The following CMYA5 variants were observed in gnomAD, a reference collection of about 807,000 sequenced individuals.
The protein encoded by CMYA5 is cardiomyopathy associated 5, also known as cardiomyopathy-associated protein 5.
In CMYA5, 246 loss-of-function variants were observed where a neutral mutation model predicts 318.9. The ratio of observed to expected loss-of-function variants is 0.77; its 90% CI spans 0.70 to 0.86. The LOEUF (loss-of-function observed/expected upper bound fraction) is 0.86. Ranked by LOEUF, CMYA5 falls within the 40% of genes least tolerant of loss-of-function variation. The pLI, the probability that CMYA5 is intolerant of heterozygous loss-of-function variation, is 0.00. For missense variants in CMYA5, 4,589 were observed against 4,678.2 expected (o/e 0.98, Z 0.56); for synonymous variants, 1,641 against 1,729.5 (o/e 0.95, Z 1.27).
intron 1 of CMYA5, among the ~76,000 whole-genome samples, chr5:79,705,505 A>G (rs1031076333): frequency 1.3e-5 from 2 of 151,910 alleles, no homozygotes; most frequent in African/African-American, 4.8e-5. Flanking sequence ...GTCCTTAATC[A>G]CCACAACATG....
rs1580787107 is a variant in CMYA5, at chr5:79,752,662, C to T, written c.10992-14C>T. The T allele has an allele frequency of 6.4e-7, 1 of 1,569,610 alleles. No homozygotes were observed. The highest frequency in any genetic ancestry group is 8.8e-7 in the Non-Finnish European group (1 of 1,142,680). The stretch of plus-strand genomic sequence containing the variant: ...ATAATTTTTTAACTTATGTAGAGCT[C>T]TATTCCCCGATAGGTTGCTTTCTGC... On this transcript the variant is annotated splice_polypyrimidine_tract_variant and intron_variant, in intron 5 of 12. Transcript: ENST00000446378.
chr5:79,754,702 A>G (rs1307169373), intron 6 of CMYA5, among the ~76,000 whole-genome samples: 1 of 151,962 alleles, frequency 6.6e-6, no homozygotes, highest in East Asian at 1.9e-4. Context: ...CATCTTGCCC[A>G]TTTTTAATTG....
chr5:79,747,164 G>T (rs1340083743), intron 5 of CMYA5, 51 bp downstream of exon 5: 1 of 1,497,080 alleles, frequency 6.7e-7, no homozygotes, highest in East Asian at 2.6e-5. Flanking sequence ...CTGGATGCTT[G>T]CTTTTTAATA....
chr5:79,737,973 C>T lies in CMYA5; in HGVS notation c.9208C>T (p.Gln3070Ter), dbSNP rs1161512091. 3 of 1,613,236 alleles carry T rather than the reference C, an allele frequency of 1.9e-6. No homozygotes were observed. Among genetic ancestry groups the T allele is most frequent in the Admixed American group, 3.3e-5 (2 of 59,894 alleles). Residue 3070 changes from glutamine to a stop codon, truncating the protein, a stop_gained, in exon 2 of 13, where the codon CAG becomes TAG. Coordinates refer to ENST00000446378, the MANE Select transcript of CMYA5 (RefSeq NM_153610.5). LOFTEE classifies it high-confidence loss of function. ...DYNISPDPEK[Q>*]KAPQKLNVEE... is the part of the protein sequence containing the mutation. The stretch of plus-strand genomic sequence containing the variant: ...TAACATCTCCCCAGACCCAGAAAAA[C>T]AGAAAGCTCCACAGAAATTAAATGT...
In CMYA5 at chr5:79,737,730, A is replaced by C. The variant is rs755693784; in HGVS notation, c.8965A>C (p.Ile2989Leu). The change falls in exon 2 of 13, where the codon ATA (isoleucine) becomes CTA (leucine). Residue 2989 changes from isoleucine to leucine, a missense_variant. Ile to Leu is a conservative substitution (Grantham distance 5). Coordinates refer to ENST00000446378, the MANE Select transcript of CMYA5 (RefSeq NM_153610.5). ...YLEEKASFKTIPLPDDSETVA... is the reference protein window; with the variant it reads ...YLEEKASFKTLPLPDDSETVA... ...GGAAGAGAAAGCCTCATTTAAAACC[A>C]TACCACTCCCTGATGATAGTGAAAC... 6.8e-6 allele frequency: 11 copies of C among 1,612,082 alleles called. No individual in the cohort carries two copies. Among genetic ancestry groups the C allele is most frequent in the Non-Finnish European group, 9.3e-6 (11 of 1,179,484 alleles).
chr5:79,690,335 G>A (rs1300756035), intron 1 of CMYA5, among the ~76,000 whole-genome samples: 6 of 152,168 alleles, frequency 3.9e-5, no homozygotes, highest in Non-Finnish European at 5.9e-5. Context: ...CTGCATAACT[G>A]CCGAAATGTG....
In CMYA5 at chr5:79,717,884, ATTTTTTTT is replaced by A. The variant is rs1282948127; in HGVS notation, c.150-11016_150-11009del. 1.3e-4 allele frequency among the ~76,000 whole-genome samples: 12 copies of A among 91,774 alleles called. 4 individuals carry two copies. The highest frequency in any genetic ancestry group is 3.2e-4 in the African/African-American group (5 of 15,696). The allele number at this position is 91,774 out of a possible 152,430, so 60.2% of individuals were successfully genotyped here. ...ATAAAAGTTCCTTTTAACCTAAGCTATTTTTTTTTTTTTTTTTTTTTTGAGACGGAGTC... is the reference window on the plus strand; with the variant it reads ...ATAAAAGTTCCTTTTAACCTAAGCTATTTTTTTTTTTTTTGAGACGGAGTC... On this transcript the variant is annotated intron_variant, in intron 1 of 12. Coordinates refer to ENST00000446378, the MANE Select transcript of CMYA5 (RefSeq NM_153610.5).
intron 1 of CMYA5, among the ~76,000 whole-genome samples, chr5:79,722,700 C>G (rs1380886486): frequency 2.2e-5 from 3 of 137,860 alleles, no homozygotes; most frequent in Non-Finnish European, 4.7e-5. Flanking sequence ...AAAAAAAAAT[C>G]TATCTGAAAA....
intron 11 of CMYA5, among the ~76,000 whole-genome samples, 182 bp from the exon 12 acceptor site, chr5:79,793,255 A>T (rs1829209635): frequency 6.6e-6 from 1 of 152,164 alleles, no homozygotes. Flanking sequence ...GAGAGTTTGG[A>T]GAGTTCTGTG....
intron 1 of CMYA5, among the ~76,000 whole-genome samples, chr5:79,713,850 G>C (rs1827461028): frequency 6.6e-6 from 1 of 152,182 alleles, no homozygotes; most frequent in Non-Finnish European, 1.5e-5. Context: ...GGGTAGGAAA[G>C]AAGATACTCA....
chr5:79,784,854 G>A (rs1262488778), intron 9 of CMYA5, among the ~76,000 whole-genome samples: 3 of 151,346 alleles, frequency 2.0e-5, no homozygotes, highest in Admixed American at 2.0e-4. Context: ...TACCTCAGAT[G>A]GAAATGCAGA....
At chr5:79,697,559 T>A (rs1366385932) in intron 1 of CMYA5, among the ~76,000 whole-genome samples, 1 of 152,232 alleles carries the variant, frequency 6.6e-6, no homozygotes, top group Non-Finnish European at 1.5e-5. Context: ...TATTTTGAGT[T>A]ATTTTTACAA....
rs368309271 is a variant in CMYA5 at position 79,747,039 on chromosome 5, T to C, written c.10969-52T>C. The C allele has an allele frequency of 2.8e-6, 3 of 1,079,188 alleles. No homozygotes were observed. In the South Asian group the frequency reaches 4.2e-5, roughly 15 times the overall value. 66.9% of individuals were successfully genotyped at this position (1,079,188 alleles called of 1,614,324 possible). ...GTTAATTAGCTTCTCTCTCTCTTTC[T>C]CTCTCTCTTTTTCTCTCTTCTCCTC... is the stretch of plus-strand genomic sequence containing the variant. On this transcript the variant is annotated intron_variant, in intron 4 of 12. Coordinates refer to ENST00000446378, the MANE Select transcript of CMYA5 (RefSeq NM_153610.5).
intron 6 of CMYA5, among the ~76,000 whole-genome samples, chr5:79,754,530 G>C (rs1354576303): frequency 6.6e-6 from 1 of 152,172 alleles, no homozygotes; most frequent in African/African-American, 2.4e-5. Flanking sequence ...TTTGGCAGGG[G>C]AGTTTGGCTT....
chr5:79,735,157 A>G lies in CMYA5; in HGVS notation c.6392A>G (p.Gln2131Arg), dbSNP rs1179737782. The G allele has an allele frequency of 6.2e-7, 1 of 1,613,556 alleles. No homozygotes were observed. The highest frequency in any genetic ancestry group is 8.5e-7 in the Non-Finnish European group (1 of 1,179,732). The change falls in exon 2 of 13, where the codon CAA becomes CGA. Residue 2131 changes from glutamine to arginine, a missense_variant. Physicochemically the swap from Gln to Arg is conservative, Grantham distance 43. Transcript: ENST00000446378. ...TCACCTGAAGTAAAAATACCCACAC[A>G]AAGAAAACCCATCTCCTCAATCCAT... The part of the protein sequence containing the change: ...KPSPEVKIPT[Q>R]RKPISSIHAR...
chr5:79,737,708 A>C lies in CMYA5; in HGVS notation c.8943A>C (p.Glu2981Asp). ...EQMQDKLEYL[E>D]EKASFKTIPL... ...TGCAAGATAAATTAGAATATTTGGAAGAGAAAGCCTCATTTAAAACCATAC... is the reference window on the plus strand; with the variant it reads ...TGCAAGATAAATTAGAATATTTGGACGAGAAAGCCTCATTTAAAACCATAC... Residue 2981 changes from glutamate to aspartate, a missense_variant, in exon 2 of 13, where the codon GAA (glutamate) becomes GAC (aspartate). By Grantham distance (45) the Glu-to-Asp change is conservative (BLOSUM62 2). Around this residue, in one of 3 missense-constraint regions of CMYA5, gnomAD observed 2,431 missense variants for 2,495.1 expected, o/e 0.97. Coordinates refer to ENST00000446378, the MANE Select transcript of CMYA5 (RefSeq NM_153610.5). 6.2e-7 allele frequency: 1 copy of C among 1,612,248 alleles called. No individual in the cohort carries two copies. Among genetic ancestry groups the C allele is most frequent in the South Asian group, 1.1e-5 (1 of 90,518 alleles).
rs1326036715 is a variant in CMYA5, at chr5:79,731,605, C to T, written c.2840C>T (p.Pro947Leu). ...CAAGAAGACATTGGACCTTTTTCTC[C>T]AGATTCTGCATTTGTGTCAGAATTC... The part of the protein sequence containing the change: ...EDQEDIGPFS[P>L]DSAFVSEFSF... Residue 947 changes from proline to leucine, a missense_variant, in exon 2 of 13, where the codon CCA becomes CTA. Physicochemically the swap from Pro to Leu is moderately conservative, Grantham distance 98. Around this residue, in one of 3 missense-constraint regions of CMYA5, gnomAD observed 2,132 missense variants for 2,131.3 expected, o/e 1.00. Coordinates refer to ENST00000446378, the MANE Select transcript of CMYA5 (RefSeq NM_153610.5). 1.2e-6 allele frequency: 2 copies of T among 1,613,220 alleles called. No homozygotes were observed. Among genetic ancestry groups the T allele is most frequent in the Admixed American group, 1.7e-5 (1 of 59,890 alleles).
At chr5:79,788,466 ATTTT>A (rs3061542) in intron 9 of CMYA5, among the ~76,000 whole-genome samples, 4 of 139,594 alleles carry the variant, frequency 2.9e-5, no homozygotes, top group Admixed American at 7.0e-5. Context: ...AACTTTGAGA[ATTTT>A]TTTTTTTTTT....
chr5:79,790,899 G>T, intron 10 of CMYA5, 71 bp from the exon 11 acceptor site: 1 of 993,216 alleles, frequency 1.0e-6, no homozygotes, highest in Non-Finnish European at 1.6e-6. Flanking sequence ...GGTCTGAAAT[G>T]TGGGGCTTAG....
Sources: allele counts gnomAD v4.1 joint callset (sites outside exome capture counted in the v4.1 genomes callset), GRCh38; gene constraint gnomAD v4.1.1; regional missense constraint gnomAD v4.1.1; transcripts MANE v1.5; gene names NCBI Gene and HGNC (gene_info 2026-07-23, HGNC 2026-07-21).